UVSSA: variants seen among roughly 807,000 people sequenced by gnomAD.
UVSSA encodes the protein UV stimulated scaffold protein A.
A neutral mutation model predicts 73.9 loss-of-function variants in UVSSA; 72 were observed. The observed-to-expected ratio is 0.97, with a 90% confidence interval of 0.81 to 1.19. The LOEUF (loss-of-function observed/expected upper bound fraction) is 1.19, where lower values mean the gene tolerates loss of function less well. Among genes scored for constraint, UVSSA ranks in the 50% most tolerant of loss-of-function variants. The pLI is 0.00. For synonymous variants in UVSSA, 454 were observed against 391.3 expected (o/e 1.16, Z -1.89); for missense variants, 1,150 against 965.0 (o/e 1.19, Z -2.54).
At chr4:1,379,261 C>G (rs745648063) in intron 10 of UVSSA, among the ~76,000 whole-genome samples, 9 of 152,212 alleles carry the variant, frequency 5.9e-5, no homozygotes, top group Non-Finnish European at 1.3e-4. Flanking sequence ...GCTGTGTGTC[C>G]TAGAAGGAGG....
chr4:1,375,296 C>T (rs1718621620), intron 8 of UVSSA, 68 bp from the exon 9 acceptor site: 17 of 1,593,254 alleles, frequency 1.1e-5, no homozygotes, highest in East Asian at 4.5e-5. Context: ...CCTAACTGCC[C>T]GGTCTTGCCT....
chr4:1,349,694 C>A lies in UVSSA; in HGVS notation c.269C>A (p.Thr90Lys). ...VSNFQEFLEL[T>K]LGTDPAQPLP... Reference sequence around the variant, plus strand: ...AACTTCCAGGAGTTCCTGGAGCTCACGCTGGGCACAGACCCCGCACAGCCT... The same window carrying A: ...AACTTCCAGGAGTTCCTGGAGCTCAAGCTGGGCACAGACCCCGCACAGCCT... Residue 90 changes from threonine (T) to lysine (K), a missense_variant, in exon 3 of 14, where the codon ACG (threonine) becomes AAG (lysine). Transcript: ENST00000389851. 6.2e-7 allele frequency: 1 copy of A among 1,614,030 alleles called. No homozygotes were observed. The highest frequency in any genetic ancestry group is 8.5e-7 in the Non-Finnish European group (1 of 1,179,988).
chr4:1,394,174 C>A, exon 14 of UVSSA: 1 of 456,016 alleles, frequency 2.2e-6, no homozygotes, highest in Non-Finnish European at 4.0e-6. Context: ...ACACACACAG[C>A]TCTGTGCCTG....
At chr4:1,391,485 A>G (rs1560499484), downstream of UVSSA, 1 of 152,270 alleles carries the variant, frequency 6.6e-6, no homozygotes, top group South Asian at 2.1e-4. Context: ...TGTTAAGTGC[A>G]TCTGTATTTC....
intron 10 of UVSSA, among the ~76,000 whole-genome samples, chr4:1,379,800 G>T (rs113126416): frequency 0.013 from 192 of 15,166 alleles, 11 homozygotes; most frequent in South Asian, 0.088. Context: ...GCCCGTGGTC[G>T]CGCGGCTGGT....
In UVSSA at chr4:1,354,805, C is replaced by T. The variant is rs141128227; in HGVS notation, c.1005C>T (p.Leu335=). ...ACGCCGCCCGCGACACACTCAAGCT[C>T]ATCCGGAACAAGTTCCTGCCGGCTG... The part of the protein sequence containing the change: ...LIHAARDTLK[L]IRNKFLPAVC... The change falls in exon 6 of 14, where the codon CTC becomes CTT. Residue 335 remains leucine (L), a synonymous_variant. Transcript: ENST00000389851. 2 of 1,613,536 alleles carry T rather than the reference C, an allele frequency of 1.2e-6. No homozygotes were observed. The highest frequency in any genetic ancestry group is 8.5e-7 in the Non-Finnish European group (1 of 1,179,962).
downstream of UVSSA, chr4:1,389,371 CT>C (rs1292918314): frequency 6.6e-6 from 1 of 151,944 alleles, no homozygotes; most frequent in African/African-American, 2.4e-5. Context: ...AATTTTCTGT[CT>C]TTGGTTTTGT....
intron 8 of UVSSA, among the ~76,000 whole-genome samples, chr4:1,368,486 G>A (rs886770963): frequency 6.6e-6 from 1 of 152,190 alleles, no homozygotes; most frequent in African/African-American, 2.4e-5. Flanking sequence ...CAAACACAAC[G>A]GTGACAGCGC....
chr4:1,352,542 TG>T (rs1714943228), intron 4 of UVSSA, among the ~76,000 whole-genome samples: 1 of 152,236 alleles, frequency 6.6e-6, no homozygotes, highest in African/African-American at 2.4e-5. Flanking sequence ...AGCCGTGTCC[TG>T]GGAAGTGCAG....
intron 8 of UVSSA, among the ~76,000 whole-genome samples, chr4:1,373,251 A>G (rs924233996): frequency 6.6e-6 from 1 of 152,222 alleles, no homozygotes; most frequent in African/African-American, 2.4e-5. Flanking sequence ...GCTGAGGATC[A>G]AGGAGAGCCA....
Position 1,366,450 on chromosome 4 carries a change from G to T in UVSSA, c.1288+19G>T, listed in dbSNP as rs766609003. On this transcript the variant is annotated intron_variant, in intron 8 of 13. Transcript: ENST00000389851. Reference sequence around the variant, plus strand: ...GAGTATGGTGAGCAGTGGGTCCCGTGGGGGGGGCACCTGGGTGGAGGGTCC... The same window carrying T: ...GAGTATGGTGAGCAGTGGGTCCCGTTGGGGGGGCACCTGGGTGGAGGGTCC... 107 of 1,486,778 alleles carry T rather than the reference G, an allele frequency of 7.2e-5. No individual in the cohort carries two copies. Among genetic ancestry groups the T allele is most frequent in the African/African-American group, 1.8e-4 (11 of 62,738 alleles). The allele number at this position is 1,486,778 out of a possible 1,614,324, so 92.1% of individuals were successfully genotyped here.
rs554210924 is a variant in UVSSA at position 1,382,977 on chromosome 4, C to T, written c.1862-789C>T. Among the ~76,000 whole-genome samples, 9 of 152,348 alleles carry T rather than the reference C, an allele frequency of 5.9e-5. No homozygotes were observed. The South Asian group carries it at 1.9e-3, about 32-fold the overall frequency. ...GGGTGGCCTTCCCGAGCCCGACCAG[C>T]ACCACACCTGGTGGAGGCCCACCTC... On this transcript the variant is annotated intron_variant, in intron 12 of 13. Coordinates refer to ENST00000389851, the MANE Select transcript of UVSSA (RefSeq NM_020894.4).
At chr4:1,384,293 C>T in intron 13 of UVSSA, 1 of 287,906 alleles carries the variant, frequency 3.5e-6, no homozygotes. Context: ...ACCCCCAGGT[C>T]AGTGCCTGCG....
At chr4:1,359,768 C>G (rs79306109) in intron 7 of UVSSA, among the ~76,000 whole-genome samples, 2 of 152,126 alleles carry the variant, frequency 1.3e-5, no homozygotes, top group African/African-American at 4.8e-5. Flanking sequence ...CCTCCTCCAC[C>G]GGCCTCACCA....
rs1295357685 is a variant in UVSSA at position 1,354,376 on chromosome 4, A to G, written c.935-359A>G. On this transcript the variant is annotated intron_variant, in intron 5 of 13. Coordinates refer to ENST00000389851, the MANE Select transcript of UVSSA (RefSeq NM_020894.4). ...GGTGAGGCTGGGCTGGAGGGGCGCCATCCTGTGGCGTGGGCTGTGGAGGGG... is the reference window on the plus strand; with the variant it reads ...GGTGAGGCTGGGCTGGAGGGGCGCCGTCCTGTGGCGTGGGCTGTGGAGGGG... 3 of 303,496 alleles carry G rather than the reference A, an allele frequency of 9.9e-6. No individual in the cohort carries two copies. In the Admixed American group the frequency reaches 1.2e-4, roughly 13 times the overall value. The allele number at this position is 303,496 out of a possible 1,614,324, so 18.8% of individuals were successfully genotyped here.
chr4:1,381,132 C>A, intron 12 of UVSSA, 144 bp downstream of exon 12: 1 of 778,046 alleles, frequency 1.3e-6, no homozygotes, highest in Non-Finnish European at 2.0e-6. Context: ...TCATAACTGG[C>A]AGAATCAGGA....
At chr4:1,374,180 G>T (rs552208002) in intron 8 of UVSSA, among the ~76,000 whole-genome samples, 1 of 152,198 alleles carries the variant, frequency 6.6e-6, no homozygotes, top group Non-Finnish European at 1.5e-5. Context: ...GGGGTCCTGA[G>T]CCCCCCTGGC....
intron 7 of UVSSA, among the ~76,000 whole-genome samples, chr4:1,355,604 C>T (rs1715609216): frequency 6.6e-6 from 1 of 152,208 alleles, no homozygotes; most frequent in South Asian, 2.1e-4. Context: ...GCACTGTATC[C>T]ACCAGAGGAG....
chr4:1,371,256 C>CTGTGTGTGTGTGTGTGTG (rs34839757), intron 8 of UVSSA, among the ~76,000 whole-genome samples: 17 of 146,522 alleles, frequency 1.2e-4, no homozygotes, highest in South Asian at 6.6e-4. Flanking sequence ...GTGGGTGGAC[C>CTGTGTGTGTGTGTGTGTG]TGTGTGTGTG....
Sources: gnomAD v4.1 joint callset for allele counts (sites outside exome capture counted in the v4.1 genomes callset) on GRCh38, gnomAD v4.1.1 for gene constraint, MANE v1.5 for transcripts, NCBI Gene and HGNC (gene_info 2026-07-23, HGNC 2026-07-21) for gene names.